The following TMEM269 variants were observed in gnomAD, a reference collection of about 807,000 sequenced individuals.
TMEM269 encodes the protein transmembrane protein 269.
Under a neutral mutation model 15.8 loss-of-function variants are expected in TMEM269, and 12 were observed. That is an observed-to-expected ratio of 0.76 (90% CI 0.49 to 1.23). The LOEUF (loss-of-function observed/expected upper bound fraction) is 1.23. Ranked by LOEUF, TMEM269 falls within the 50% of genes most tolerant of loss-of-function variation. The pLI is 0.00. For missense variants in TMEM269, 211 were observed against 245.4 expected (o/e 0.86, Z 0.94); for synonymous variants, 93 against 99.3 (o/e 0.94, Z 0.38).
chr1:42,789,295 G>A (rs796299567), intron 1 of TMEM269: 16 of 682,544 alleles, frequency 2.3e-5, no homozygotes, highest in African/African-American at 2.3e-4. Flanking sequence ...GGGCCTGTCA[G>A]AACCAGGACC....
At chr1:42,787,532 G>T (rs1029571619) in intron 1 of TMEM269, among the ~76,000 whole-genome samples, 3 of 147,156 alleles carry the variant, frequency 2.0e-5, no homozygotes, top group Non-Finnish European at 4.5e-5. Flanking sequence ...CCCGGGAAGC[G>T]GAGCTTGCAG....
intron 3 of TMEM269, 100 bp downstream of exon 3, chr1:42,793,002 C>A: frequency 1.1e-6 from 1 of 925,686 alleles, no homozygotes; most frequent in Non-Finnish European, 1.7e-6. Context: ...CTTCATCAGG[C>A]ATCCACCCCT....
In TMEM269 at chr1:42,789,868, T is replaced by C; in HGVS notation, c.-26T>C. The C allele has an allele frequency of 3.9e-6, 6 of 1,550,934 alleles. No individual in the cohort carries two copies. Among genetic ancestry groups the C allele is most frequent in the Non-Finnish European group, 5.2e-6 (6 of 1,147,086 alleles). Reference sequence around the variant, plus strand: ...ATAAATGAGGTTTCCTGGAAGGATGTTACCAGTGCCTTATCTCTGGCCAAC... The same window carrying C: ...ATAAATGAGGTTTCCTGGAAGGATGCTACCAGTGCCTTATCTCTGGCCAAC... On this transcript the variant is annotated 5_prime_UTR_variant, in exon 2 of 6. Coordinates refer to ENST00000637012, the MANE Select transcript of TMEM269 (RefSeq NM_001354602.2).
Position 42,788,952 on chromosome 1 carries a change from C to T in TMEM269, c.-98-844C>T, listed in dbSNP as rs1478328154. The stretch of plus-strand genomic sequence containing the variant: ...TTTTTTTTTTTTTTAGACAGAGTCT[C>T]ACTCGGTCACCCAGGCTGGAGTGCA... On this transcript the variant is annotated intron_variant, in intron 1 of 5. Transcript: ENST00000637012. The surrounding 1 kb of genome is among the most constrained non-coding windows in gnomAD (Gnocchi z 4.0). 1.3e-5 allele frequency among the ~76,000 whole-genome samples: 2 copies of T among 148,536 alleles called. No individual in the cohort carries two copies. The highest frequency in any genetic ancestry group is 2.5e-5 in the African/African-American group (1 of 40,298).
Position 42,797,696 on chromosome 1 carries a change from T to A in TMEM269, c.485-402T>A. ...AGGATAGCAGTCTCAGGCCTGCACG[T>A]AAACTCTTTTCTGCATACATATCAT... On this transcript the variant is annotated intron_variant, in intron 5 of 5. Transcript: ENST00000637012. The surrounding 1 kb of genome is among the most constrained non-coding windows in gnomAD (Gnocchi z 4.9). The A allele has an allele frequency of 4.9e-6, 2 of 409,904 alleles. No individual in the cohort carries two copies. The highest frequency in any genetic ancestry group is 9.8e-6 in the Non-Finnish European group (2 of 204,150). 25.4% of individuals were successfully genotyped at this position (409,904 alleles called of 1,614,324 possible).
At chr1:42,789,304 C>A (rs1570503516) in intron 1 of TMEM269, 1 of 733,320 alleles carries the variant, frequency 1.4e-6, no homozygotes, top group Non-Finnish European at 2.3e-6. Flanking sequence ...AGAACCAGGA[C>A]CTTGAGGCAC....
intron 5 of TMEM269, among the ~76,000 whole-genome samples, chr1:42,796,992 G>A (rs1347223462): frequency 6.6e-6 from 1 of 151,914 alleles, no homozygotes; most frequent in African/African-American, 2.4e-5. Flanking sequence ...TTTGAATCAG[G>A]ACCTCGTACA....
chr1:42,794,347 G>A, intron 4 of TMEM269, 66 bp from the exon 5 acceptor site: 1 of 1,238,468 alleles, frequency 8.1e-7, no homozygotes, highest in Non-Finnish European at 1.1e-6. Flanking sequence ...AGAGAGAGGG[G>A]CTTGCTTCAT....
At chr1:42,791,380 A>G (rs923680029) in intron 2 of TMEM269, among the ~76,000 whole-genome samples, 10 of 152,244 alleles carry the variant, frequency 6.6e-5, no homozygotes, top group Admixed American at 5.9e-4. Flanking sequence ...CTCAGACAAC[A>G]TGGAAATGAA....
rs1429274455 is a variant in TMEM269 at position 42,793,670 on chromosome 1, A to C, written c.209A>C (p.Asp70Ala). Reference protein sequence around the residue: ...GLASALLLGVDGLLSGILAII... With the variant: ...GLASALLLGVAGLLSGILAII... The stretch of plus-strand genomic sequence containing the variant: ...GCCTCCGCTCTGCTCCTAGGCGTGG[A>C]TGGACTTCTGAGTGGGATCCTGGCC... The change falls in exon 4 of 6, where the codon GAT becomes GCT. Residue 70 changes from aspartate to alanine, a missense_variant. Asp to Ala is a moderately radical substitution (Grantham distance 126). Transcript: ENST00000637012. 1 of 1,550,578 alleles carries C rather than the reference A, an allele frequency of 6.4e-7. No homozygotes were observed. Among genetic ancestry groups the C allele is most frequent in the South Asian group, 1.2e-5 (1 of 84,066 alleles).
In TMEM269 at chr1:42,793,599, A is replaced by G; in HGVS notation, c.140-2A>G. ...CTTCTAACCTTGGGCCGTCTGGGGC[A>G]GGAGCCGAGCTGAATGACTTTGCCG... On this transcript the variant is annotated splice_acceptor_variant, in intron 3 of 5. Transcript: ENST00000637012. LOFTEE classifies it high-confidence loss of function. The G allele has an allele frequency of 1.3e-6, 2 of 1,548,698 alleles. 1 individual carries two copies. The highest frequency in any genetic ancestry group is 2.4e-5 in the South Asian group (2 of 83,820).
chr1:42,796,325 G>A (rs1189212514), intron 5 of TMEM269, among the ~76,000 whole-genome samples: 1 of 152,106 alleles, frequency 6.6e-6, no homozygotes, highest in East Asian at 1.9e-4. Context: ...TTGTCCTGCT[G>A]TGTGAGTAAG....
chr1:42,798,253 G>A lies in TMEM269; in HGVS notation c.*28G>A. ...AAGCTAAGCAGCTCTACCAGCTCCTGCCGGCCTCTGTGGGGTTTGTGTCAG... is the reference window on the plus strand; with the variant it reads ...AAGCTAAGCAGCTCTACCAGCTCCTACCGGCCTCTGTGGGGTTTGTGTCAG... On this transcript the variant is annotated 3_prime_UTR_variant, in exon 6 of 6. Transcript: ENST00000637012. 3 of 1,541,560 alleles carry A rather than the reference G, an allele frequency of 1.9e-6. No homozygotes were observed. Among genetic ancestry groups the A allele is most frequent in the Non-Finnish European group, 2.6e-6 (3 of 1,146,872 alleles).
At chr1:42,791,782 A>T (rs555355802) in intron 2 of TMEM269, among the ~76,000 whole-genome samples, 1 of 152,328 alleles carries the variant, frequency 6.6e-6, no homozygotes, top group South Asian at 2.1e-4. Context: ...CCGGCGGATC[A>T]CTTGAGGTCA....
chr1:42,798,341 T>C lies in TMEM269; in HGVS notation c.*116T>C. 3 of 1,318,152 alleles carry C rather than the reference T, an allele frequency of 2.3e-6. No individual in the cohort carries two copies. The highest frequency in any genetic ancestry group is 2.5e-5 in the East Asian group (1 of 39,500). 81.7% of individuals were successfully genotyped at this position (1,318,152 alleles called of 1,614,324 possible). A position where few individuals can be genotyped will look rare whatever the true frequency, so the allele number is the denominator to read the frequency against. On this transcript the variant is annotated 3_prime_UTR_variant, in exon 6 of 6. Coordinates refer to ENST00000637012, the MANE Select transcript of TMEM269 (RefSeq NM_001354602.2). ...CCTGTGTTGCCATATACTAGATATA[T>C]GGTATGTCTGTTGCCATGAAGTTAG... is the stretch of plus-strand genomic sequence containing the variant.
In TMEM269 at chr1:42,789,755, T is replaced by G. The variant is rs1653647661; in HGVS notation, c.-98-41T>G. On this transcript the variant is annotated intron_variant, in intron 1 of 5. Transcript: ENST00000637012. ...CCCTGGGAGCCTCTTCTGGGACTCC[T>G]TAACCTTGGGAACCCTTCGCCCCTC... 3.4e-6 allele frequency: 4 copies of G among 1,179,544 alleles called. No homozygotes were observed. The East Asian group carries it at 7.7e-5, about 23-fold the overall frequency. The allele number at this position is 1,179,544 out of a possible 1,614,324, so 73.1% of individuals were successfully genotyped here. A position where few individuals can be genotyped will look rare whatever the true frequency, so the allele number is the denominator to read the frequency against.
rs770184720 is a variant in TMEM269, at chr1:42,793,682, G to A, written c.221G>A (p.Ser74Asn). The change falls in exon 4 of 6, where the codon AGT becomes AAT. Residue 74 changes from serine to asparagine, a missense_variant. Physicochemically the swap from Ser to Asn is conservative, Grantham distance 46. Coordinates refer to ENST00000637012, the MANE Select transcript of TMEM269 (RefSeq NM_001354602.2). ...CTCCTAGGCGTGGATGGACTTCTGA[G>A]TGGGATCCTGGCCATCATCTATGTG... ...ALLLGVDGLL[S>N]GILAIIYVSA... The A allele has an allele frequency of 6.4e-7, 1 of 1,550,622 alleles. No homozygotes were observed. Among genetic ancestry groups the A allele is most frequent in the South Asian group, 1.2e-5 (1 of 84,060 alleles).
rs763978106 is a variant in TMEM269 at position 42,798,540 on chromosome 1, T to C, written c.*315T>C. The stretch of plus-strand genomic sequence containing the variant: ...TACCAGCCGGGTGACTGTGTGCTAC[T>C]AAGGTCCATCCCTTGGAAAGGAGTG... On this transcript the variant is annotated 3_prime_UTR_variant, in exon 6 of 6. Transcript: ENST00000637012. 13 of 315,580 alleles carry C rather than the reference T, an allele frequency of 4.1e-5. No individual in the cohort carries two copies. Among genetic ancestry groups the C allele is most frequent in the Non-Finnish European group, 6.1e-5 (10 of 165,036 alleles). The allele number at this position is 315,580 out of a possible 1,614,324, so 19.5% of individuals were successfully genotyped here. A position where few individuals can be genotyped will look rare whatever the true frequency, so the allele number is the denominator to read the frequency against.
At position 42,797,343 on chromosome 1, in the gene TMEM269, C is replaced by G. The variant is rs893668304; in HGVS notation, c.485-755C>G. On this transcript the variant is annotated intron_variant, in intron 5 of 5. Coordinates refer to ENST00000637012, the MANE Select transcript of TMEM269 (RefSeq NM_001354602.2). The surrounding 1 kb of genome is among the most constrained non-coding windows in gnomAD (Gnocchi z 4.9). The stretch of plus-strand genomic sequence containing the variant: ...AGGTGCAAGCTTCAGAGAGTCCTCT[C>G]CCAGTAGAGTCACACGAGATGCACT... Among the ~76,000 whole-genome samples, 3 of 152,188 alleles carry G rather than the reference C, an allele frequency of 2.0e-5. No individual in the cohort carries two copies. The highest frequency in any genetic ancestry group is 3.4e-3 in the Middle Eastern group (1 of 294).
Sources: allele counts gnomAD v4.1 joint callset (sites outside exome capture counted in the v4.1 genomes callset), GRCh38; gene constraint gnomAD v4.1.1; non-coding constraint Gnocchi (gnomAD v3.1); transcripts MANE v1.5; gene names NCBI Gene and HGNC (gene_info 2026-07-23, HGNC 2026-07-21).